The following OOSP3 variants were observed in gnomAD, a reference collection of about 807,000 sequenced individuals.
The protein encoded by OOSP3 is oocyte-secreted protein 3.
intron 2 of OOSP3, among the ~76,000 whole-genome samples, chr11:59,884,874 T>A (rs1263036121): frequency 6.6e-6 from 1 of 152,170 alleles, no homozygotes; most frequent in African/African-American, 2.4e-5. Flanking sequence ...TTTATCTTCT[T>A]GCCTAATTTT....
intron 3 of OOSP3, among the ~76,000 whole-genome samples, chr11:59,894,824 C>T (rs753923635): frequency 2.6e-5 from 4 of 152,156 alleles, no homozygotes; most frequent in Admixed American, 2.0e-4. Flanking sequence ...CACACCTTCT[C>T]ACCTAACTGC....
At chr11:59,895,897 A>G (rs775362006) in intron 4 of OOSP3, among the ~76,000 whole-genome samples, 16 of 152,222 alleles carry the variant, frequency 1.1e-4, no homozygotes, top group Admixed American at 5.2e-4. Flanking sequence ...CAAATAAAAG[A>G]AAATCTCTAG....
chr11:59,892,771 T>C (rs1853324292), intron 2 of OOSP3, among the ~76,000 whole-genome samples: 1 of 152,126 alleles, frequency 6.6e-6, no homozygotes, highest in African/African-American at 2.4e-5. Flanking sequence ...TTCCTCTGGA[T>C]CCTGCTAGGC....
At chr11:59,879,585 T>G (rs1853182110) in intron 1 of OOSP3, among the ~76,000 whole-genome samples, 1 of 152,198 alleles carries the variant, frequency 6.6e-6, no homozygotes, top group Admixed American at 6.5e-5. Flanking sequence ...TAAAAATGTT[T>G]TTTGGATATG....
In OOSP3 at chr11:59,882,264, A is replaced by AT. The variant is rs200835564; in HGVS notation, c.252+1836dup. On this transcript the variant is annotated intron_variant, in intron 2 of 4. Coordinates refer to ENST00000646438, the Ensembl canonical transcript of OOSP3. The stretch of plus-strand genomic sequence containing the variant: ...TCAGAGCTGTAGGTTTCTTTTGAAG[A>AT]TTTTTTTTTTTCCCCCCTGTGGCAT... Among the ~76,000 whole-genome samples the AT allele has an allele frequency of 4.9e-3, 734 of 149,824 alleles. 26 individuals carry two copies. The East Asian group carries it at 0.085, about 17-fold the overall frequency.
intron 2 of OOSP3, among the ~76,000 whole-genome samples, chr11:59,892,819 A>G (rs1455090659): frequency 1.3e-5 from 2 of 152,300 alleles, no homozygotes; most frequent in South Asian, 2.1e-4. Context: ...GGGAAGAGGG[A>G]ACTTGAAATA....
At chr11:59,879,881 A>G (rs994289675) in intron 1 of OOSP3, among the ~76,000 whole-genome samples, 2 of 152,208 alleles carry the variant, frequency 1.3e-5, no homozygotes, top group Admixed American at 6.5e-5. Context: ...CTGCAGCTTC[A>G]GTGCCCTATC....
At chr11:59,895,679 A>G (rs140841038) in intron 4 of OOSP3, 27 bp downstream of exon 4, 1 of 398,360 alleles carries the variant, frequency 2.5e-6, no homozygotes, top group East Asian at 3.6e-5. Flanking sequence ...GAGACAAAAC[A>G]TGGCAGTGTC....
At chr11:59,886,744 A>G (rs1853263254) in intron 2 of OOSP3, among the ~76,000 whole-genome samples, 1 of 150,916 alleles carries the variant, frequency 6.6e-6, no homozygotes, top group Admixed American at 6.6e-5. Context: ...TTTTTTGGCC[A>G]CATGTATGTC....
chr11:59,887,423 G>A lies in OOSP3; in HGVS notation c.253-6656G>A, dbSNP rs150259617. 6.3e-3 allele frequency among the ~76,000 whole-genome samples: 954 copies of A among 152,288 alleles called. 13 individuals are homozygous for A. The highest frequency in any genetic ancestry group is 0.022 in the African/African-American group (910 of 41,552). On this transcript the variant is annotated intron_variant, in intron 2 of 4. Transcript: ENST00000646438. ...TAGATTTTCTTCTAGGGTTTCTATA[G>A]TTTTGGGTTTTACACTTAAGTCTTT...
chr11:59,895,976 A>G (rs1340369843), intron 4 of OOSP3, among the ~76,000 whole-genome samples, 157 bp from the exon 5 acceptor site: 2 of 152,208 alleles, frequency 1.3e-5, no homozygotes, highest in Non-Finnish European at 2.9e-5. Context: ...TTGAATAAAA[A>G]TTTTCAACTC....
chr11:59,894,196 T>C lies in OOSP3; in HGVS notation c.350+20T>C, dbSNP rs541804551. ...ATATGGGTGAGTATAATGAACCAGA[T>C]GGTTCACAGTTTACCCTCTAAGAAC... On this transcript the variant is annotated intron_variant, in intron 3 of 4. Coordinates refer to ENST00000646438, the Ensembl canonical transcript of OOSP3. 21 of 398,436 alleles carry C rather than the reference T, an allele frequency of 5.3e-5. No individual in the cohort carries two copies. The highest frequency in any genetic ancestry group is 7.1e-5 in the East Asian group (2 of 28,050). 24.7% of individuals were successfully genotyped at this position (398,436 alleles called of 1,614,324 possible).
At chr11:59,889,667 T>C (rs545858686) in intron 2 of OOSP3, among the ~76,000 whole-genome samples, 27 of 150,444 alleles carry the variant, frequency 1.8e-4, no homozygotes, top group African/African-American at 6.1e-4. Context: ...GAGACTGTTA[T>C]ATTTCAGTTC....
intron 4 of OOSP3, 117 bp from the exon 5 acceptor site, chr11:59,896,016 A>C: frequency 2.5e-6 from 1 of 396,478 alleles, no homozygotes; most frequent in Non-Finnish European, 4.4e-6. Flanking sequence ...TCCCTGGCAC[A>C]TAGTAGGTTC....
intron 2 of OOSP3, among the ~76,000 whole-genome samples, chr11:59,884,317 G>A: frequency 6.6e-6 from 1 of 151,894 alleles, no homozygotes. Context: ...CATTGCTAGT[G>A]TACAGAAATA....
At chr11:59,890,052 A>G (rs184706598) in intron 2 of OOSP3, among the ~76,000 whole-genome samples, 76 of 151,908 alleles carry the variant, frequency 5.0e-4, no homozygotes, top group Middle Eastern at 3.4e-3. Context: ...GTCTTTTTTG[A>G]CCTTTGTTGG....
chr11:59,884,752 C>T (rs1441418820), intron 2 of OOSP3, among the ~76,000 whole-genome samples: 1 of 152,194 alleles, frequency 6.6e-6, no homozygotes, highest in Non-Finnish European at 1.5e-5. Context: ...GATCTGCCCA[C>T]CTTGGCCTCC....
chr11:59,894,087 A>G (rs887823305), exon 3 of OOSP3: 1 of 398,374 alleles, frequency 2.5e-6, no homozygotes, highest in African/African-American at 2.1e-5. Flanking sequence ...AGGTTTTCTC[A>G]TATGTAACAG....
In OOSP3 at chr11:59,895,658, G is replaced by A. The variant is rs1415780041; in HGVS notation, c.501+6G>A. On this transcript the variant is annotated splice_donor_region_variant and intron_variant, in intron 4 of 4. Transcript: ENST00000646438. ...CATATTTTCAAAACTCCTCGGTGAG[G>A]ATCCTTAGAAGAGACAAAACATGGC... 1 of 398,210 alleles carries A rather than the reference G, an allele frequency of 2.5e-6. No individual in the cohort carries two copies. Among genetic ancestry groups the A allele is most frequent in the African/African-American group, 2.1e-5 (1 of 48,604 alleles). 24.7% of individuals were successfully genotyped at this position (398,210 alleles called of 1,614,324 possible).
Sources: allele counts gnomAD v4.1 joint callset (sites outside exome capture counted in the v4.1 genomes callset), GRCh38; gene constraint gnomAD v4.1.1; transcripts MANE v1.5; gene names NCBI Gene and HGNC (gene_info 2026-07-23, HGNC 2026-07-21).